Variants in ZBTB48 observed in about 807,000 individuals in gnomAD.
ZBTB48 encodes zinc finger and BTB domain-containing protein 48.
Under a neutral mutation model 64.5 loss-of-function variants are expected in ZBTB48, and 35 were observed. The observed-to-expected ratio is 0.54, with a 90% CI of 0.41 to 0.72. ZBTB48 has a LOEUF of 0.72. Ranked by LOEUF, ZBTB48 falls within the 30% of genes least tolerant of loss-of-function variation. The pLI, the probability that ZBTB48 is intolerant of heterozygous loss-of-function variation, is 0.00. For synonymous variants in ZBTB48, 442 were observed against 356.7 expected (o/e 1.24, Z -2.70); for missense variants, 828 against 895.3 (o/e 0.92, Z 0.96).
Position 6,587,212 on chromosome 1 carries a change from C to T in ZBTB48, c.1145C>T (p.Ser382Phe), listed in dbSNP as rs971675056. ...HTGEMPYKCS[S>F]CSQQFMQKKD... ...TGTGGGCCTCTTTTTCAGTGTTCCT[C>T]CTGCTCCCAGCAGTTCATGCAGAAG... is the stretch of plus-strand genomic sequence containing the variant. The change falls in exon 6 of 11, where the codon TCC becomes TTC. Residue 382 changes from serine to phenylalanine, a missense_variant. Transcript: ENST00000377674. 24 of 1,613,970 alleles carry T rather than the reference C, an allele frequency of 1.5e-5. No individual in the cohort carries two copies. Among genetic ancestry groups the T allele is most frequent in the Admixed American group, 8.3e-5 (5 of 60,016 alleles).
rs1238291437 is a variant in ZBTB48 at position 6,589,271 on chromosome 1, G to C, written c.*59G>C. 1 of 1,466,144 alleles carries C rather than the reference G, an allele frequency of 6.8e-7. No homozygotes were observed. Among genetic ancestry groups the C allele is most frequent in the Non-Finnish European group, 9.0e-7 (1 of 1,115,798 alleles). 90.8% of individuals were successfully genotyped at this position (1,466,144 alleles called of 1,614,324 possible). On this transcript the variant is annotated 3_prime_UTR_variant, in exon 11 of 11. Coordinates refer to ENST00000377674, the MANE Select transcript of ZBTB48 (RefSeq NM_005341.4). ...CCCCTCAATAAACCGTGTGGCTTTGGACTCTCGTATTTCAGCCTGACAGTC... is the reference window on the plus strand; with the variant it reads ...CCCCTCAATAAACCGTGTGGCTTTGCACTCTCGTATTTCAGCCTGACAGTC...
Position 6,588,815 on chromosome 1 carries a change from A to G in ZBTB48, c.1741A>G (p.Thr581Ala). The G allele has an allele frequency of 3.7e-6, 6 of 1,614,118 alleles. No homozygotes were observed. The highest frequency in any genetic ancestry group is 5.1e-6 in the Non-Finnish European group (6 of 1,180,008). ...RHKGVRKFEC[T>A]ECGYKFTRQA... ...CAAGGGGGTGAGGAAGTTTGAGTGC[A>G]CCGAGTGTGGCTACAAGTTTACCCG... The change falls in exon 10 of 11, where the codon ACC becomes GCC. Residue 581 changes from threonine (T) to alanine (A), a missense_variant. By Grantham distance (58) the Thr-to-Ala change is moderately conservative. Coordinates refer to ENST00000377674, the MANE Select transcript of ZBTB48 (RefSeq NM_005341.4).
chr1:6,580,819 T>C lies in ZBTB48; in HGVS notation c.210T>C (p.Ala70=), dbSNP rs1426281738. 3 of 1,614,242 alleles carry C rather than the reference T, an allele frequency of 1.9e-6. No homozygotes were observed. Among genetic ancestry groups the C allele is most frequent in the Non-Finnish European group, 2.5e-6 (3 of 1,180,040 alleles). The part of the protein sequence containing the change: ...GGSVVLPAGF[A]EIFGLLLDFF... ...GTGTCGTCCTCCCTGCTGGCTTCGC[T>C]GAGATCTTTGGCCTCTTGTTGGACT... Residue 70 remains alanine, a synonymous_variant, in exon 2 of 11, where the codon GCT becomes GCC. Coordinates refer to ENST00000377674, the MANE Select transcript of ZBTB48 (RefSeq NM_005341.4). The surrounding 1 kb of genome is among the most constrained non-coding windows in gnomAD (Gnocchi z 5.2).
At position 6,588,336 on chromosome 1, in the gene ZBTB48, C is replaced by T. The variant is rs370925824; in HGVS notation, c.1575C>T (p.Phe525=). The T allele has an allele frequency of 6.2e-6, 10 of 1,608,398 alleles. No individual in the cohort carries two copies. The African/African-American group carries it at 1.3e-4, about 21-fold the overall frequency. ...GGGAAAGGCCCTTCAGTTGCGAGTT[C>T]TGTGAACAGCGCTTCACTGAGAAGG... ...HTGERPFSCE[F]CEQRFTEKGP... The change falls in exon 9 of 11, where the codon TTC becomes TTT. Residue 525 remains phenylalanine, a synonymous_variant. Coordinates refer to ENST00000377674, the MANE Select transcript of ZBTB48 (RefSeq NM_005341.4).
rs939961266 is a variant in ZBTB48 at position 6,581,249 on chromosome 1, C to T, written c.640C>T (p.Pro214Ser). The T allele has an allele frequency of 4.3e-6, 7 of 1,611,932 alleles. No homozygotes were observed. In the African/African-American group the frequency reaches 6.7e-5, roughly 15 times the overall value. The change falls in exon 2 of 11, where the codon CCA becomes TCA. Residue 214 changes from proline to serine, a missense_variant. By Grantham distance (74) the Pro-to-Ser change is moderately conservative (BLOSUM62 -1). Coordinates refer to ENST00000377674, the MANE Select transcript of ZBTB48 (RefSeq NM_005341.4). ...DKKPEDCKVPPRPLEAEGAQL... is the reference protein window; with the variant it reads ...DKKPEDCKVPSRPLEAEGAQL... ...GAAACCCGAGGACTGCAAAGTGCCC[C>T]CAAGGCCCTTAGAGGCTGAAGGTGC...
Position 6,585,994 on chromosome 1 carries a change from GC to G in ZBTB48, c.1009del (p.His337MetfsTer7), listed in dbSNP as rs763062484. ...CYFRKENLLE[H>X]EARNCMNRSE... The stretch of plus-strand genomic sequence containing the variant: ...ACTTTCGGAAGGAGAACCTCCTGGA[GC>G]ATGAAGCCCGGAATTGCATGAACCG... On this transcript the variant is annotated frameshift_variant, in exon 4 of 11. Transcript: ENST00000377674. LOFTEE classifies it high-confidence loss of function. 1 of 1,614,060 alleles carries G rather than the reference GC, an allele frequency of 6.2e-7. No individual in the cohort carries two copies. Among genetic ancestry groups the G allele is most frequent in the African/African-American group, 1.3e-5 (1 of 74,926 alleles).
rs1640593931 is a variant in ZBTB48, at chr1:6,584,590, A to G, written c.933-1329A>G. Among the ~76,000 whole-genome samples the G allele has an allele frequency of 6.6e-6, 1 of 152,248 alleles. No individual in the cohort carries two copies. Among genetic ancestry groups the G allele is most frequent in the Admixed American group, 6.5e-5 (1 of 15,288 alleles). On this transcript the variant is annotated intron_variant, in intron 3 of 10. Transcript: ENST00000377674. This position sits in a 1 kb window ranked among gnomAD's most constrained non-coding sequence, Gnocchi z 4.5. Reference sequence around the variant, plus strand: ...CACCGTGTTCAGGGCAGCTGCTGCCAGTGGAATGCTGGGATAACCCCAGTG... The same window carrying G: ...CACCGTGTTCAGGGCAGCTGCTGCCGGTGGAATGCTGGGATAACCCCAGTG...
In ZBTB48 at chr1:6,582,182, G is replaced by C. The variant is rs781623409; in HGVS notation, c.815G>C (p.Ser272Thr). Residue 272 changes from serine (S) to threonine (T), a missense_variant, in exon 3 of 11, where the codon AGC becomes ACC. Transcript: ENST00000377674. ...CCCTGTGCAGCTGAGCCAGCCCTGA[G>C]CGCGGGCTCCCTAGCAGCTGAGCCT... ...RKPCAAEPAL[S>T]AGSLAAEPAE... 3 of 1,614,116 alleles carry C rather than the reference G, an allele frequency of 1.9e-6. No homozygotes were observed. The highest frequency in any genetic ancestry group is 1.7e-5 in the Admixed American group (1 of 60,006).
At chr1:6,582,417 A>T (rs897288447) in intron 3 of ZBTB48, 118 bp downstream of exon 3, 1 of 1,341,272 alleles carries the variant, frequency 7.5e-7, no homozygotes, top group Non-Finnish European at 1.0e-6. Context: ...TCAGACCCAC[A>T]TAGTGTCTGG....
Position 6,589,111 on chromosome 1 carries a change from C to T in ZBTB48, c.1966C>T (p.Pro656Ser). 6.2e-7 allele frequency: 1 copy of T among 1,607,932 alleles called. No homozygotes were observed. Among genetic ancestry groups the T allele is most frequent in the Non-Finnish European group, 8.5e-7 (1 of 1,177,802 alleles). The change falls in exon 11 of 11, where the codon CCC becomes TCC. Residue 656 changes from proline (P) to serine (S), a missense_variant. Pro to Ser is a moderately conservative substitution (Grantham distance 74, BLOSUM62 -1). Transcript: ENST00000377674. ...LAQGGLASQL[P>S]GQRLCAEESF... ...CCAGGGCGGCCTGGCCTCCCAGCTC[C>T]CCGGCCAGAGACTGTGTGCAGAGGA... is the stretch of plus-strand genomic sequence containing the variant.
At chr1:6,587,149 G>A (rs748307032) in intron 5 of ZBTB48, 56 bp from the exon 6 acceptor site, 5 of 1,584,962 alleles carry the variant, frequency 3.2e-6, no homozygotes, top group Non-Finnish European at 2.6e-6. Flanking sequence ...AAGGGTGGGT[G>A]GCAGGGTTTC....
rs776989336 is a variant in ZBTB48, at chr1:6,588,935, T to C, written c.1790T>C (p.Met597Thr). ...FTRQAHLRRH[M>T]EIHDRVENYN... ...CGCCAGGCCCACCTGCGGAGGCACA[T>C]GGAGATCCACGACCGGGTAGAGAAC... is the stretch of plus-strand genomic sequence containing the variant. Residue 597 changes from methionine to threonine, a missense_variant, in exon 11 of 11, where the codon ATG becomes ACG. Met to Thr is a moderately conservative substitution (Grantham distance 81). Transcript: ENST00000377674. 8 of 1,612,372 alleles carry C rather than the reference T, an allele frequency of 5.0e-6. No homozygotes were observed. The highest frequency in any genetic ancestry group is 1.1e-5 in the South Asian group (1 of 91,014).
At chr1:6,587,181 G>A (rs1410788529) in intron 5 of ZBTB48, 24 bp from the exon 6 acceptor site, 13 of 1,613,746 alleles carry the variant, frequency 8.1e-6, no homozygotes, top group Non-Finnish European at 1.0e-5. Context: ...CCGCCCTGGA[G>A]GTGACTGTGG....
In ZBTB48 at chr1:6,580,936, G is replaced by C. The variant is rs1473206216; in HGVS notation, c.327G>C (p.Glu109Asp). The change falls in exon 2 of 11, where the codon GAG becomes GAC. Residue 109 changes from glutamate to aspartate, a missense_variant. Coordinates refer to ENST00000377674, the MANE Select transcript of ZBTB48 (RefSeq NM_005341.4). The surrounding 1 kb of genome is among the most constrained non-coding windows in gnomAD (Gnocchi z 5.2). ...ARELRVPEAV[E>D]LCQSFKPKTS... Reference sequence around the variant, plus strand: ...AGTTGCGAGTGCCAGAGGCCGTAGAGCTGTGCCAGAGCTTCAAGCCCAAAA... The same window carrying C: ...AGTTGCGAGTGCCAGAGGCCGTAGACCTGTGCCAGAGCTTCAAGCCCAAAA... 6.2e-7 allele frequency: 1 copy of C among 1,614,026 alleles called. No homozygotes were observed. The highest frequency in any genetic ancestry group is 1.7e-5 in the Admixed American group (1 of 60,034).
chr1:6,581,047 A>G lies in ZBTB48; in HGVS notation c.438A>G (p.Ala146=), dbSNP rs1640430739. 1 of 1,613,334 alleles carries G rather than the reference A, an allele frequency of 6.2e-7. No individual in the cohort carries two copies. The highest frequency in any genetic ancestry group is 8.5e-7 in the Non-Finnish European group (1 of 1,180,008). ...TGAACAGCCACGTCAAGGAGCCGGC[A>G]GGCTTGGAAGAAGAGGAAGTTTCGA... The part of the protein sequence containing the change: ...QNVNSHVKEP[A]GLEEEEVSRT... Residue 146 remains alanine, a synonymous_variant, in exon 2 of 11, where the codon GCA becomes GCG. Coordinates refer to ENST00000377674, the MANE Select transcript of ZBTB48 (RefSeq NM_005341.4).
rs1640435102 is a variant in ZBTB48, at chr1:6,581,132, C to T, written c.523C>T (p.Pro175Ser). The change falls in exon 2 of 11, where the codon CCC (proline) becomes TCC (serine). Residue 175 changes from proline to serine, a missense_variant. Physicochemically the swap from Pro to Ser is moderately conservative, Grantham distance 74. Transcript: ENST00000377674. ...CAGAGGCAGTCATAGTCCTCAGAGG[C>T]CCCAGCTCCATTCCCCAGCTCAGAG... ...EPRGSHSPQR[P>S]QLHSPAQSEG... The T allele has an allele frequency of 1.9e-6, 3 of 1,613,224 alleles. No individual in the cohort carries two copies. The highest frequency in any genetic ancestry group is 2.5e-6 in the Non-Finnish European group (3 of 1,179,978).
Position 6,582,237 on chromosome 1 carries a change from G to C in ZBTB48, c.870G>C (p.Pro290=). Residue 290 remains proline (P), a synonymous_variant, in exon 3 of 11, where the codon CCG becomes CCC. Transcript: ENST00000377674. ...AGAACAGAAAAGGTACAGCGGTGCC[G>C]GTCGAATGCCCCACATGTCATAAAA... is the stretch of plus-strand genomic sequence containing the variant. ...PAENRKGTAV[P]VECPTCHKKF... 1 of 1,614,126 alleles carries C rather than the reference G, an allele frequency of 6.2e-7. No homozygotes were observed. Among genetic ancestry groups the C allele is most frequent in the Non-Finnish European group, 8.5e-7 (1 of 1,179,988 alleles).
rs990395203 is a variant in ZBTB48 at position 6,580,433 on chromosome 1, G to A, written c.-69-108G>A. ...CCCCGGCCCCCGGGAGGCTGTCAGTGTGTTCCAGCCCTCCGCGTGCACCCC... is the reference window on the plus strand; with the variant it reads ...CCCCGGCCCCCGGGAGGCTGTCAGTATGTTCCAGCCCTCCGCGTGCACCCC... On this transcript the variant is annotated intron_variant, in intron 1 of 10. Coordinates refer to ENST00000377674, the MANE Select transcript of ZBTB48 (RefSeq NM_005341.4). This position sits in a 1 kb window ranked among gnomAD's most constrained non-coding sequence, Gnocchi z 5.2. The A allele has an allele frequency of 2.7e-5, 18 of 660,780 alleles. No homozygotes were observed. The highest frequency in any genetic ancestry group is 2.6e-4 in the African/African-American group (14 of 54,874). The allele number at this position is 660,780 out of a possible 1,614,324, so 40.9% of individuals were successfully genotyped here. A position where few individuals can be genotyped will look rare whatever the true frequency, so the allele number is the denominator to read the frequency against.
At chr1:6,583,039 A>G (rs1455765865) in intron 3 of ZBTB48, among the ~76,000 whole-genome samples, 1 of 151,838 alleles carries the variant, frequency 6.6e-6, no homozygotes. Flanking sequence ...TCACCAGGCT[A>G]GAGTGCAGTA....
Sources: allele counts gnomAD v4.1 joint callset (sites outside exome capture counted in the v4.1 genomes callset), GRCh38; gene constraint gnomAD v4.1.1; non-coding constraint Gnocchi (gnomAD v3.1); transcripts MANE v1.5; gene names NCBI Gene and HGNC (gene_info 2026-07-23, HGNC 2026-07-21).